The following PPP2R3A variants were observed in gnomAD, a reference collection of about 807,000 sequenced individuals.
PPP2R3A encodes serine/threonine-protein phosphatase 2A regulatory subunit B'' subunit alpha.
In PPP2R3A, 80 loss-of-function variants were observed where a neutral mutation model predicts 106.9. That is an observed-to-expected ratio of 0.75 (90% CI 0.62 to 0.90). PPP2R3A has a LOEUF of 0.90. Ranked by LOEUF, PPP2R3A falls within the 40% of genes least tolerant of loss-of-function variation. PPP2R3A has a pLI of 0.00. For synonymous variants in PPP2R3A, 483 were observed against 468.3 expected, an observed-to-expected ratio of 1.03 and a Z score of -0.41; for missense variants, 1,386 against 1,350.4, an observed-to-expected ratio of 1.03 and a Z score of -0.41.
intron 13 of PPP2R3A, among the ~76,000 whole-genome samples, chr3:136,109,609 A>G (rs1937565126): frequency 6.6e-6 from 1 of 152,240 alleles, no homozygotes; most frequent in Non-Finnish European, 1.5e-5. Context: ...ATCATTTACA[A>G]AATACATATT....
chr3:136,106,564 GA>G (rs1299298582), intron 13 of PPP2R3A: 2 of 494,520 alleles, frequency 4.0e-6, no homozygotes, highest in Non-Finnish European at 7.2e-6. Flanking sequence ...CGAGATCACT[GA>G]ACAATCAAAC....
chr3:135,977,444 G>T (rs1395636693), intron 1 of PPP2R3A, among the ~76,000 whole-genome samples: 1 of 152,142 alleles, frequency 6.6e-6, no homozygotes, highest in Non-Finnish European at 1.5e-5. Context: ...CTTGAATGTG[G>T]TCATGATCTG....
intron 3 of PPP2R3A, 37 bp from the exon 4 acceptor site, chr3:136,040,822 C>T (rs756619883): frequency 1.3e-6 from 2 of 1,516,296 alleles, no homozygotes; most frequent in Non-Finnish European, 1.8e-6. Flanking sequence ...CTCTTCATTC[C>T]CTGTTGGCTT....
At chr3:136,032,698 C>A (rs1934941836) in intron 3 of PPP2R3A, among the ~76,000 whole-genome samples, 1 of 151,916 alleles carries the variant, frequency 6.6e-6, no homozygotes, top group Non-Finnish European at 1.5e-5. Context: ...CCATGCCCAG[C>A]TAATTTTTTG....
intron 6 of PPP2R3A, among the ~76,000 whole-genome samples, chr3:136,072,453 G>A (rs561635028): frequency 2.2e-4 from 34 of 152,276 alleles, no homozygotes; most frequent in African/African-American, 7.7e-4. Context: ...TTAGCCAGGT[G>A]TGGTGGTGCA....
intron 3 of PPP2R3A, among the ~76,000 whole-genome samples, chr3:136,032,523 T>A (rs1270055272): frequency 4.1e-5 from 6 of 148,058 alleles, no homozygotes; most frequent in South Asian, 4.2e-4. Context: ...AATTAATTTA[T>A]TTATTTATTT....
rs1294290700 is a variant in PPP2R3A at position 136,023,041 on chromosome 3, G to A, written c.1996-3791G>A. 3 of 1,612,156 alleles carry A rather than the reference G, an allele frequency of 1.9e-6. No homozygotes were observed. In the South Asian group the frequency reaches 3.3e-5, roughly 18 times the overall value. ...ATTATCTTCAGAAGTGTGCTGGACA[G>A]TTGCGAAGTAAACATTTACTTTTCA... On this transcript the variant is annotated intron_variant, in intron 2 of 13. Transcript: ENST00000264977.
chr3:136,018,398 G>T (rs1934350004), intron 2 of PPP2R3A, among the ~76,000 whole-genome samples: 1 of 152,176 alleles, frequency 6.6e-6, no homozygotes. Flanking sequence ...TTTGTCCTGT[G>T]TAATCAACCC....
intron 13 of PPP2R3A, among the ~76,000 whole-genome samples, chr3:136,136,093 T>TATATAA (rs1221985359): frequency 4.8e-4 from 57 of 118,634 alleles, no homozygotes; most frequent in African/African-American, 1.9e-3. Context: ...TATATATATA[T>TATATAA]AAAAAACATC....
chr3:136,044,100 C>T (rs1287317819), intron 4 of PPP2R3A, among the ~76,000 whole-genome samples: 1 of 151,890 alleles, frequency 6.6e-6, no homozygotes, highest in Non-Finnish European at 1.5e-5. Context: ...TGTGATCATC[C>T]CACCCATTTT....
intron 1 of PPP2R3A, among the ~76,000 whole-genome samples, chr3:135,976,249 C>T (rs1488595189): frequency 2.0e-5 from 3 of 152,184 alleles, no homozygotes; most frequent in African/African-American, 4.8e-5. Context: ...AAATGTGACT[C>T]TCTGAAGTCT....
chr3:136,094,939 A>G (rs531619940), intron 10 of PPP2R3A, among the ~76,000 whole-genome samples: 11 of 152,344 alleles, frequency 7.2e-5, no homozygotes, highest in Non-Finnish European at 1.5e-4. Flanking sequence ...CCTCTTGAAT[A>G]TAGACCCAAA....
intron 1 of PPP2R3A, among the ~76,000 whole-genome samples, chr3:135,992,550 A>G (rs1038991112): frequency 2.0e-5 from 3 of 152,206 alleles, no homozygotes; most frequent in Admixed American, 6.5e-5. Context: ...ACACCGTTCT[A>G]TAATTTCCAT....
At chr3:136,110,903 G>GA (rs1014361331) in intron 13 of PPP2R3A, among the ~76,000 whole-genome samples, 4 of 151,756 alleles carry the variant, frequency 2.6e-5, no homozygotes, top group South Asian at 2.1e-4. Flanking sequence ...CTACCAGAAA[G>GA]AAAAAAACAT....
In PPP2R3A at chr3:136,002,475, T is replaced by C. The variant is rs755909307; in HGVS notation, c.977T>C (p.Phe326Ser). ...CAACTGACTCCCTTCTCCCCAGTGTTTGGCACTGAACAACCCCCTAAATAT... is the reference window on the plus strand; with the variant it reads ...CAACTGACTCCCTTCTCCCCAGTGTCTGGCACTGAACAACCCCCTAAATAT... ...SLQLTPFSPVFGTEQPPKYED... is the reference protein window; with the variant it reads ...SLQLTPFSPVSGTEQPPKYED... The change falls in exon 2 of 14, where the codon TTT (phenylalanine) becomes TCT (serine). Residue 326 changes from phenylalanine to serine, a missense_variant. Transcript: ENST00000264977. The C allele has an allele frequency of 3.1e-6, 5 of 1,614,114 alleles. No homozygotes were observed. The highest frequency in any genetic ancestry group is 4.2e-6 in the Non-Finnish European group (5 of 1,179,964).
At chr3:136,078,570 A>C in intron 7 of PPP2R3A, 117 bp downstream of exon 7, 2 of 688,222 alleles carry the variant, frequency 2.9e-6, no homozygotes, top group Non-Finnish European at 5.0e-6. Context: ...TTCAGTCATT[A>C]AGCATTTATC....
intron 13 of PPP2R3A, among the ~76,000 whole-genome samples, chr3:136,122,906 A>C (rs1005663337): frequency 3.9e-5 from 6 of 152,218 alleles, no homozygotes; most frequent in African/African-American, 1.4e-4. Context: ...AGACAAAATT[A>C]TAAAAATTTA....
In PPP2R3A at chr3:136,146,253, G is replaced by A. The variant is rs564826284; in HGVS notation, c.*1087G>A. The stretch of plus-strand genomic sequence containing the variant: ...TACAGAATCCTACATTTTTCAGCAG[G>A]CCACAGTCCAGCCAAATCCTATAAT... On this transcript the variant is annotated 3_prime_UTR_variant, in exon 14 of 14. Transcript: ENST00000264977. The A allele has an allele frequency of 1.8e-4, 27 of 152,244 alleles. No individual in the cohort carries two copies. Among genetic ancestry groups the A allele is most frequent in the Middle Eastern group, 6.8e-3 (2 of 294 alleles). The allele number at this position is 152,244 out of a possible 1,614,324, so 9.4% of individuals were successfully genotyped here. A position where few individuals can be genotyped will look rare whatever the true frequency, so the allele number is the denominator to read the frequency against.
At chr3:136,053,794 C>A (rs1377752525) in intron 5 of PPP2R3A, among the ~76,000 whole-genome samples, 1 of 152,058 alleles carries the variant, frequency 6.6e-6, no homozygotes, top group African/African-American at 2.4e-5. Flanking sequence ...ATGCACAGAA[C>A]CCCGAGGCAG....
Sources: allele counts gnomAD v4.1 joint callset (sites outside exome capture counted in the v4.1 genomes callset), GRCh38; gene constraint gnomAD v4.1.1; transcripts MANE v1.5; gene names NCBI Gene and HGNC (gene_info 2026-07-23, HGNC 2026-07-21).